Variants in PCDHGA8 observed in about 807,000 individuals in gnomAD.
PCDHGA8 encodes protocadherin gamma-A8.
In PCDHGA8, 45 loss-of-function variants were observed where a neutral mutation model predicts 59.2. The observed-to-expected ratio is 0.76, with a 90% CI of 0.60 to 0.98. The LOEUF (loss-of-function observed/expected upper bound fraction) is 0.98. PCDHGA8 is among the 50% of genes least tolerant of loss of function. The probability of loss-of-function intolerance (pLI) is 0.00; values close to 1 mark genes in which losing one functional copy is unlikely to be tolerated. For synonymous variants in PCDHGA8, 531 were observed against 519.0 expected, an observed-to-expected ratio of 1.02 and a Z score of -0.32; for missense variants, 1,257 against 1,196.2, an observed-to-expected ratio of 1.05 and a Z score of -0.75.
rs967535805 is a variant in PCDHGA8 at position 141,490,206 on chromosome 5, C to T, written c.2425-4601C>T. 2.4e-5 allele frequency: 38 copies of T among 1,614,050 alleles called. No homozygotes were observed. In the Admixed American group the frequency reaches 5.0e-4, roughly 21 times the overall value. ...GTTTCTATGAAATTCATGCAAGAGCCCGTGACCAGGGACAGCCTGCCATGG... is the reference window on the plus strand; with the variant it reads ...GTTTCTATGAAATTCATGCAAGAGCTCGTGACCAGGGACAGCCTGCCATGG... On this transcript the variant is annotated intron_variant, in intron 1 of 3. Coordinates refer to ENST00000398604, the MANE Select transcript of PCDHGA8 (RefSeq NM_032088.2). This position sits in a 1 kb window ranked among gnomAD's most constrained non-coding sequence, Gnocchi z 5.4.
intron 1 of PCDHGA8, among the ~76,000 whole-genome samples, chr5:141,481,171 C>G (rs927813327): frequency 6.6e-6 from 1 of 152,120 alleles, no homozygotes; most frequent in African/African-American, 2.4e-5. Flanking sequence ...AACCAGAATC[C>G]AGCTTTATTG....
At position 141,489,888 on chromosome 5, in the gene PCDHGA8, T is replaced by TG. The variant is rs759744295; in HGVS notation, c.2425-4913dup. On this transcript the variant is annotated intron_variant, in intron 1 of 3. Coordinates refer to ENST00000398604, the MANE Select transcript of PCDHGA8 (RefSeq NM_032088.2). The surrounding 1 kb of genome is among the most constrained non-coding windows in gnomAD (Gnocchi z 4.5). ...ATCAGCTGGTGCTTACTGCTGTGGATGGGGGGACCCCAGCCCGCTCAGGGA... is the reference window on the plus strand; with the variant it reads ...ATCAGCTGGTGCTTACTGCTGTGGATGGGGGGGACCCCAGCCCGCTCAGGGA... 6.4e-5 allele frequency: 103 copies of TG among 1,614,088 alleles called. No individual in the cohort carries two copies. Among genetic ancestry groups the TG allele is most frequent in the Non-Finnish European group, 8.6e-5 (101 of 1,180,048 alleles).
intron 1 of PCDHGA8, chr5:141,398,400 C>T: frequency 6.8e-7 from 1 of 1,465,224 alleles, no homozygotes; most frequent in Non-Finnish European, 9.5e-7. Context: ...GCAGGCTAGA[C>T]AGGGAGGAGA....
At chr5:141,414,280 G>A (rs1448512468) in intron 1 of PCDHGA8, 2 of 1,613,604 alleles carry the variant, frequency 1.2e-6, no homozygotes, top group Admixed American at 1.7e-5. Context: ...TCTGGGAACA[G>A]TCGTAGCCCT....
At chr5:141,409,172 G>A in intron 1 of PCDHGA8, 8 of 1,614,006 alleles carry the variant, frequency 5.0e-6, no homozygotes, top group Non-Finnish European at 6.8e-6. Context: ...AGCGAAGGAC[G>A]GAGGTGGTCT....
At chr5:141,461,799 G>T (rs1025237561) in intron 1 of PCDHGA8, among the ~76,000 whole-genome samples, 5 of 151,188 alleles carry the variant, frequency 3.3e-5, no homozygotes, top group Admixed American at 1.3e-4. Context: ...GATTACAGGT[G>T]CCCACCACCA....
In PCDHGA8 at chr5:141,432,177, CTG is replaced by C. The variant is rs769631339; in HGVS notation, c.2424+36943_2424+36944del. 4 of 1,614,102 alleles carry C rather than the reference CTG, an allele frequency of 2.5e-6. No homozygotes were observed. Among genetic ancestry groups the C allele is most frequent in the Admixed American group, 1.7e-5 (1 of 60,012 alleles). ...AATCCCAGAGGAGTTTCCCTCGTCT[CTG>C]TGACCGCCCACGACCCCGACTGTGA... On this transcript the variant is annotated intron_variant, in intron 1 of 3. Transcript: ENST00000398604. The surrounding 1 kb of genome is among the most constrained non-coding windows in gnomAD (Gnocchi z 6.0).
rs2233613 is a variant in PCDHGA8 at position 141,511,203 on chromosome 5, G to A, written c.*30G>A. 0.14 allele frequency: 222,603 copies of A among 1,611,360 alleles called. 15,640 individuals carry two copies. The highest frequency in any genetic ancestry group is 0.18 in the Admixed American group (10,873 of 59,374). ...GAGGCCAGGCCAAGAGCCACAGGGC[G>A]GCCTCTCCCCAACCAGCCCAGCTTC... On this transcript the variant is annotated 3_prime_UTR_variant, in exon 4 of 4. Transcript: ENST00000398604.
rs1363449 is a variant in PCDHGA8, at chr5:141,413,826, C to T, written c.2424+18589C>T. On this transcript the variant is annotated intron_variant, in intron 1 of 3. Coordinates refer to ENST00000398604, the MANE Select transcript of PCDHGA8 (RefSeq NM_032088.2). ...AGGCCATTCACCACCTGGTCCTCAC[C>T]GCCTCCGACGGGGGTGACCCTCTCC... 4,050 of 1,613,180 alleles carry T rather than the reference C, an allele frequency of 2.5e-3. 115 individuals are homozygous for T. In the African/African-American group the frequency reaches 0.047, roughly 19 times the overall value.
chr5:141,487,749 A>G lies in PCDHGA8; in HGVS notation c.2425-7058A>G, dbSNP rs574710316. 3.9e-5 allele frequency: 60 copies of G among 1,557,180 alleles called. No homozygotes were observed. The African/African-American group carries it at 5.6e-4, about 14-fold the overall frequency. ...GTCACCATTTTTGTAAGAGGTAACT[A>G]TGTGGTAGACGCTGTGCTTTGTAAC... is the stretch of plus-strand genomic sequence containing the variant. On this transcript the variant is annotated intron_variant, in intron 1 of 3. Coordinates refer to ENST00000398604, the MANE Select transcript of PCDHGA8 (RefSeq NM_032088.2). The surrounding 1 kb of genome is among the most constrained non-coding windows in gnomAD (Gnocchi z 5.0).
At chr5:141,494,648 T>G in intron 1 of PCDHGA8, 159 bp from the exon 2 acceptor site, 1 of 946,506 alleles carries the variant, frequency 1.1e-6, no homozygotes, top group Non-Finnish European at 1.3e-6. Flanking sequence ...ACCTGAGGTG[T>G]ATTTTGTCTT....
intron 1 of PCDHGA8, chr5:141,441,665 A>ACAGTG (rs936537442): frequency 7.5e-6 from 2 of 265,720 alleles, no homozygotes; most frequent in African/African-American, 4.7e-5. Flanking sequence ...CCTTGAGCGC[A>ACAGTG]CAGTGCGCCT....
At chr5:141,421,146 C>T in intron 1 of PCDHGA8, 1 of 1,015,090 alleles carries the variant, frequency 9.9e-7, no homozygotes, top group Non-Finnish European at 1.4e-6. Flanking sequence ...TGGATGTAGT[C>T]GGCCTAGGAC....
intron 1 of PCDHGA8, chr5:141,430,769 G>T: frequency 6.6e-7 from 1 of 1,508,212 alleles, no homozygotes; most frequent in Non-Finnish European, 8.9e-7. Context: ...AATGATTCCT[G>T]CGCGACTGCA....
rs1310227506 is a variant in PCDHGA8, at chr5:141,432,214, CCAGATCACTTATTCCCTGG to C, written c.2424+36979_2424+36997del. ...ACGACCCCGACTGTGAAGAGAACGC[CCAGATCACTTATTCCCTGG>C]CTGAGAACACCATCCAAGGGGCAAG... is the stretch of plus-strand genomic sequence containing the variant. On this transcript the variant is annotated intron_variant, in intron 1 of 3. Transcript: ENST00000398604. This position sits in a 1 kb window ranked among gnomAD's most constrained non-coding sequence, Gnocchi z 6.0. 3.1e-6 allele frequency: 5 copies of C among 1,614,236 alleles called. No homozygotes were observed. The highest frequency in any genetic ancestry group is 4.2e-6 in the Non-Finnish European group (5 of 1,180,050).
At chr5:141,484,877 G>T in intron 1 of PCDHGA8, 1 of 338,660 alleles carries the variant, frequency 3.0e-6, no homozygotes, top group Non-Finnish European at 5.4e-6. Context: ...GTGGAGGATA[G>T]GGTGGGCTTT....
intron 1 of PCDHGA8, among the ~76,000 whole-genome samples, chr5:141,446,714 G>T (rs193229261): frequency 2.6e-5 from 4 of 152,044 alleles, no homozygotes; most frequent in African/African-American, 9.7e-5. Flanking sequence ...TGATCTGCCC[G>T]CCTCGGCCTC....
At chr5:141,417,384 GAAGA>G (rs2096114648) in intron 1 of PCDHGA8, 1 of 154,070 alleles carries the variant, frequency 6.5e-6, no homozygotes, top group African/African-American at 2.4e-5. Context: ...TTTAAATTTT[GAAGA>G]AAAAATATTC....
At chr5:141,469,424 AC>A (rs1173507321) in intron 1 of PCDHGA8, among the ~76,000 whole-genome samples, 1 of 151,864 alleles carries the variant, frequency 6.6e-6, no homozygotes, top group East Asian at 1.9e-4. Context: ...AAAATATAAA[AC>A]TTAGCTGGGC....
Sources: allele counts gnomAD v4.1 joint callset (sites outside exome capture counted in the v4.1 genomes callset), GRCh38; gene constraint gnomAD v4.1.1; non-coding constraint Gnocchi (gnomAD v3.1); transcripts MANE v1.5; gene names NCBI Gene and HGNC (gene_info 2026-07-23, HGNC 2026-07-21).